Variants in LPO observed in about 807,000 individuals in gnomAD.
LPO encodes the protein salivary peroxidase.
LPO carries 70 observed loss-of-function variants against 68.4 expected under a neutral mutation model. The observed-to-expected ratio is 1.02, with a 90% CI of 0.84 to 1.25. LPO has a LOEUF of 1.25. Ranked by LOEUF, LPO falls within the 50% of genes most tolerant of loss-of-function variation. LPO has a pLI of 0.00. For missense variants in LPO, 873 were observed against 908.4 expected (o/e 0.96, Z 0.50); for synonymous variants, 360 against 357.6 (o/e 1.01, Z -0.08).
chr17:58,244,283 C>T (rs1231612016), intron 3 of LPO: 1 of 599,618 alleles, frequency 1.7e-6, no homozygotes, highest in African/African-American at 1.8e-5. Context: ...TCCTAAAGTC[C>T]TCAGCCTGTA....
intron 9 of LPO, among the ~76,000 whole-genome samples, chr17:58,262,423 T>C (rs1970191641): frequency 6.6e-6 from 1 of 152,248 alleles, no homozygotes; most frequent in Non-Finnish European, 1.5e-5. Context: ...AGAGTCTTGC[T>C]CTGTTGCCCA....
intron 8 of LPO, 80 bp downstream of exon 8, chr17:58,252,586 A>G (rs1969983280): frequency 7.2e-7 from 1 of 1,392,720 alleles, no homozygotes; most frequent in Non-Finnish European, 9.7e-7. Flanking sequence ...CCTTCTTGTC[A>G]TCTTTCTGGA....
intron 12 of LPO, 43 bp from the exon 13 acceptor site, chr17:58,267,744 C>A: frequency 6.4e-7 from 1 of 1,572,700 alleles, no homozygotes; most frequent in South Asian, 1.1e-5. Context: ...TGGGGAGGGG[C>A]CAGCGGCCAG....
intron 7 of LPO, 156 bp from the exon 8 acceptor site, chr17:58,252,026 G>A (rs1969966852): frequency 1.3e-6 from 1 of 765,070 alleles, no homozygotes. Context: ...CCCAGGGTGT[G>A]TAATGTCAGC....
At chr17:58,244,792 C>T (rs1483345993) in intron 3 of LPO, among the ~76,000 whole-genome samples, 1 of 152,188 alleles carries the variant, frequency 6.6e-6, no homozygotes, top group African/African-American at 2.4e-5. Flanking sequence ...AGGCGCCCAA[C>T]AAGGTTACTG....
At chr17:58,258,833 C>T (rs2143930727) in intron 9 of LPO, among the ~76,000 whole-genome samples, 1 of 152,308 alleles carries the variant, frequency 6.6e-6, no homozygotes, top group Non-Finnish European at 1.5e-5. Context: ...TAATGTTGAA[C>T]ATCTTTTCCT....
chr17:58,249,326 G>C (rs1401936556), intron 5 of LPO, 149 bp downstream of exon 5: 1 of 877,640 alleles, frequency 1.1e-6, no homozygotes, highest in East Asian at 2.7e-5. Context: ...TCTCAAGATC[G>C]CGCGTCTCCA....
intron 4 of LPO, 90 bp from the exon 5 acceptor site, chr17:58,248,970 A>G: frequency 1.1e-6 from 1 of 926,762 alleles, no homozygotes; most frequent in Non-Finnish European, 1.8e-6. Context: ...CAAAACATGC[A>G]GGTTCACCTC....
chr17:58,266,052 T>A, intron 10 of LPO, 101 bp from the exon 11 acceptor site: 1 of 1,185,850 alleles, frequency 8.4e-7, no homozygotes, highest in Non-Finnish European at 1.2e-6. Context: ...GTGACCCACA[T>A]TCAACTAAGA....
At position 58,267,775 on chromosome 17, in the gene LPO, C is replaced by T. The variant is rs1170213341; in HGVS notation, c.1932-12C>T. The T allele has an allele frequency of 6.2e-7, 1 of 1,612,652 alleles. No individual in the cohort carries two copies. Among genetic ancestry groups the T allele is most frequent in the Non-Finnish European group, 8.5e-7 (1 of 1,178,842 alleles). On this transcript the variant is annotated splice_polypyrimidine_tract_variant and intron_variant, in intron 12 of 12. Coordinates refer to ENST00000262290, the MANE Select transcript of LPO (RefSeq NM_006151.3). ...GCCAGACTGTGGAGTGACTCTACTT[C>T]TGTCTCTGCAGGTTCTGGTGGGAAA...
chr17:58,242,943 A>T lies in LPO; in HGVS notation c.-2-35A>T, dbSNP rs778546996. 4 of 1,582,634 alleles carry T rather than the reference A, an allele frequency of 2.5e-6. No homozygotes were observed. In the South Asian group the frequency reaches 4.4e-5, roughly 18 times the overall value. Reference sequence around the variant, plus strand: ...TCAAACCCTCCCACTTGGTCTCTAGAGAGGCTCACAGTGTGATCCTGCATC... The same window carrying T: ...TCAAACCCTCCCACTTGGTCTCTAGTGAGGCTCACAGTGTGATCCTGCATC... On this transcript the variant is annotated intron_variant, in intron 1 of 12. Transcript: ENST00000262290.
chr17:58,249,797 C>T (rs953749602), intron 6 of LPO, 102 bp downstream of exon 6: 1 of 1,405,710 alleles, frequency 7.1e-7, no homozygotes, highest in African/African-American at 1.5e-5. Context: ...GTGGGGGCAG[C>T]AGGGGTGCGC....
chr17:58,249,509 G>A (rs1969916074), intron 5 of LPO, 57 bp from the exon 6 acceptor site: 1 of 1,581,784 alleles, frequency 6.3e-7, no homozygotes, highest in South Asian at 1.1e-5. Flanking sequence ...GGGGTCCTGG[G>A]CTTTGGAGCC....
At chr17:58,266,131 G>T in intron 10 of LPO, 22 bp from the exon 11 acceptor site, 1 of 1,610,346 alleles carries the variant, frequency 6.2e-7, no homozygotes. Context: ...CCTAAGCATG[G>T]CTTCTGGGTC....
intron 11 of LPO, among the ~76,000 whole-genome samples, chr17:58,266,603 G>A (rs1243215567): frequency 6.6e-6 from 1 of 152,006 alleles, no homozygotes; most frequent in Non-Finnish European, 1.5e-5. Flanking sequence ...TGGGACTACA[G>A]GTGTGCCACA....
intron 3 of LPO, among the ~76,000 whole-genome samples, chr17:58,245,971 A>G (rs756994357): frequency 6.6e-6 from 1 of 152,256 alleles, no homozygotes; most frequent in Non-Finnish European, 1.5e-5. Context: ...GGGGCCTCAC[A>G]GAGACAGAAC....
intron 7 of LPO, 94 bp downstream of exon 7, chr17:58,250,715 T>C: frequency 1.6e-6 from 2 of 1,282,880 alleles, no homozygotes; most frequent in Non-Finnish European, 2.2e-6. Context: ...TCTGGATAGA[T>C]CTGGGATACT....
intron 1 of LPO, among the ~76,000 whole-genome samples, chr17:58,241,255 T>C (rs1199440229): frequency 6.6e-6 from 1 of 150,504 alleles, no homozygotes. Flanking sequence ...GAATTGCCGG[T>C]GTCTGCCACC....
chr17:58,245,731 G>A (rs1406735698), intron 3 of LPO, among the ~76,000 whole-genome samples: 1 of 152,180 alleles, frequency 6.6e-6, no homozygotes, highest in Non-Finnish European at 1.5e-5. Context: ...AGCAAAGGAG[G>A]AGCCCCATGG....
Sources: gnomAD v4.1 joint callset for allele counts (sites outside exome capture counted in the v4.1 genomes callset) on GRCh38, gnomAD v4.1.1 for gene constraint, MANE v1.5 for transcripts, NCBI Gene and HGNC (gene_info 2026-07-23, HGNC 2026-07-21) for gene names.